PRKAR1B: variants seen among roughly 807,000 people sequenced by gnomAD.
PRKAR1B encodes the protein cAMP-dependent protein kinase type I-beta regulatory subunit.
PRKAR1B carries 22 observed loss-of-function variants against 46.5 expected under a neutral mutation model. That is an observed-to-expected ratio of 0.47 (90% CI 0.34 to 0.68). The LOEUF is 0.68. Among genes scored for constraint, PRKAR1B ranks in the 30% least tolerant of loss-of-function variants. PRKAR1B has a pLI of 0.01. For synonymous variants in PRKAR1B, 259 were observed against 217.7 expected, an observed-to-expected ratio of 1.19 and a Z score of -1.67; for missense variants, 445 against 535.6, an observed-to-expected ratio of 0.83 and a Z score of 1.67.
chr7:683,511 C>T (rs74530502), intron 2 of PRKAR1B, among the ~76,000 whole-genome samples: 7,069 of 152,274 alleles, frequency 0.046, 337 homozygotes, highest in East Asian at 0.18. Flanking sequence ...GTAGCCATTC[C>T]TCCTGTTCCA....
intron 4 of PRKAR1B, among the ~76,000 whole-genome samples, chr7:676,498 C>T (rs758275085): frequency 2.6e-5 from 4 of 152,230 alleles, no homozygotes; most frequent in Non-Finnish European, 5.9e-5. Flanking sequence ...GAGGCCGGAA[C>T]ACGAAGCCCA....
In PRKAR1B at chr7:683,559, G is replaced by A. The variant is rs200520720; in HGVS notation, c.178-2833C>T. Among the ~76,000 whole-genome samples the A allele has an allele frequency of 1.3e-3, 203 of 152,334 alleles. 2 individuals are homozygous for A. Among genetic ancestry groups the A allele is most frequent in the African/African-American group, 4.7e-3 (195 of 41,584 alleles). On this transcript the variant is annotated intron_variant, in intron 2 of 10. Coordinates refer to ENST00000537384, the MANE Select transcript of PRKAR1B (RefSeq NM_001164760.2). ...AAACAAATGACTGTCTCCCCAGCCT[G>A]TTAAAACTGGGACATGGGTGGGAGC...
intron 3 of PRKAR1B, among the ~76,000 whole-genome samples, chr7:679,592 A>G (rs34459641): frequency 0.066 from 9,980 of 152,274 alleles, 491 homozygotes; most frequent in Middle Eastern, 0.15. Flanking sequence ...TGTTTAGGGA[A>G]TAGAGTCTCA....
At chr7:553,836 G>A (rs1784397241) in intron 9 of PRKAR1B, among the ~76,000 whole-genome samples, 2 of 152,248 alleles carry the variant, frequency 1.3e-5, no homozygotes, top group African/African-American at 4.8e-5. Context: ...CGCTGCCCTG[G>A]CCCCTGATCC....
chr7:704,816 T>C (rs1367549921), intron 2 of PRKAR1B, among the ~76,000 whole-genome samples: 1 of 152,064 alleles, frequency 6.6e-6, no homozygotes, highest in Non-Finnish European at 1.5e-5. Context: ...GAAAATATTT[T>C]GTAAATTAAA....
chr7:558,835 C>T (rs1778610483), intron 9 of PRKAR1B, among the ~76,000 whole-genome samples: 1 of 152,224 alleles, frequency 6.6e-6, no homozygotes, highest in South Asian at 2.1e-4. Context: ...CTTCCTGTCC[C>T]TTGTCACAGC....
At chr7:702,239 A>C (rs1427040657) in intron 2 of PRKAR1B, among the ~76,000 whole-genome samples, 2 of 152,160 alleles carry the variant, frequency 1.3e-5, no homozygotes, top group African/African-American at 4.8e-5. Context: ...GAAAAACAGT[A>C]AAAAAGACAG....
chr7:682,424 T>A (rs1778740263), intron 2 of PRKAR1B, among the ~76,000 whole-genome samples: 1 of 151,986 alleles, frequency 6.6e-6, no homozygotes, highest in African/African-American at 2.4e-5. Flanking sequence ...AAGACCAGCC[T>A]GGGCAACATA....
chr7:688,387 G>C (rs1365506853), intron 2 of PRKAR1B, among the ~76,000 whole-genome samples: 3 of 150,344 alleles, frequency 2.0e-5, no homozygotes, highest in Non-Finnish European at 4.4e-5. Flanking sequence ...CTGGGCAACA[G>C]AGTGAGACTC....
intron 4 of PRKAR1B, among the ~76,000 whole-genome samples, chr7:654,652 T>C: frequency 2.1e-5 from 3 of 140,246 alleles, no homozygotes; most frequent in South Asian, 2.3e-4. Context: ...TCATTGCCAT[T>C]TTCATCACCA....
At chr7:635,590 G>A (rs1455047443) in intron 4 of PRKAR1B, among the ~76,000 whole-genome samples, 1 of 152,184 alleles carries the variant, frequency 6.6e-6, no homozygotes, top group African/African-American at 2.4e-5. Flanking sequence ...CCTGGAGCCC[G>A]GAAGGCTCGG....
chr7:627,729 C>T (rs1455118056), intron 4 of PRKAR1B, among the ~76,000 whole-genome samples: 2 of 152,210 alleles, frequency 1.3e-5, no homozygotes, highest in South Asian at 2.1e-4. Flanking sequence ...GCCCAGCTCA[C>T]GCCCGCCCTC....
rs373253034 is a variant in PRKAR1B at position 665,358 on chromosome 7, C to T, written c.440+11871G>A. 1.1e-4 allele frequency among the ~76,000 whole-genome samples: 17 copies of T among 152,334 alleles called. No homozygotes were observed. In the East Asian group the frequency reaches 2.1e-3, roughly 19 times the overall value. ...TGGCCCGACGCAGCCTGCTTAACCTCTCTCTGCCTCCCCTGCCAAACGGCA... is the reference window on the plus strand; with the variant it reads ...TGGCCCGACGCAGCCTGCTTAACCTTTCTCTGCCTCCCCTGCCAAACGGCA... On this transcript the variant is annotated intron_variant, in intron 4 of 10. Coordinates refer to ENST00000537384, the MANE Select transcript of PRKAR1B (RefSeq NM_001164760.2).
In PRKAR1B at chr7:659,004, C is replaced by T. The variant is rs548827065; in HGVS notation, c.440+18225G>A. On this transcript the variant is annotated intron_variant, in intron 4 of 10. Coordinates refer to ENST00000537384, the MANE Select transcript of PRKAR1B (RefSeq NM_001164760.2). The stretch of plus-strand genomic sequence containing the variant: ...AGTCATTTGTAAGCTAAGAAAGAGT[C>T]ACCAACATGGGTCTCATGACACCAG... 2.7e-4 allele frequency among the ~76,000 whole-genome samples: 41 copies of T among 152,226 alleles called. No homozygotes were observed. The South Asian group carries it at 8.3e-3, about 31-fold the overall frequency.
intron 4 of PRKAR1B, among the ~76,000 whole-genome samples, chr7:614,521 G>A (rs769511485): frequency 2.6e-5 from 4 of 152,148 alleles, no homozygotes; most frequent in Admixed American, 6.5e-5. Context: ...TTGGGAGACC[G>A]GGCACCATAA....
At chr7:696,234 A>G (rs1187627309) in intron 2 of PRKAR1B, among the ~76,000 whole-genome samples, 1 of 151,672 alleles carries the variant, frequency 6.6e-6, no homozygotes, top group Non-Finnish European at 1.5e-5. Flanking sequence ...AAGTGCTGGG[A>G]TGACAGGCAT....
At position 653,367 on chromosome 7, in the gene PRKAR1B, G is replaced by A. The variant is rs77154713; in HGVS notation, c.440+23862C>T. 1.9e-3 allele frequency among the ~76,000 whole-genome samples: 288 copies of A among 152,318 alleles called. 6 individuals are homozygous for A. In the East Asian group the frequency reaches 0.052, roughly 28 times the overall value. On this transcript the variant is annotated intron_variant, in intron 4 of 10. Coordinates refer to ENST00000537384, the MANE Select transcript of PRKAR1B (RefSeq NM_001164760.2). ...GCCTCTTCCCAACACTGCCTCCCAAGCTTCCCATTCACCCACCTCATCGTT... is the reference window on the plus strand; with the variant it reads ...GCCTCTTCCCAACACTGCCTCCCAAACTTCCCATTCACCCACCTCATCGTT...
chr7:573,890 G>A (rs560390080), intron 9 of PRKAR1B, among the ~76,000 whole-genome samples: 215 of 152,322 alleles, frequency 1.4e-3, no homozygotes, highest in Non-Finnish European at 1.5e-3. Flanking sequence ...TGACCCCGGC[G>A]TGGATGTGGA....
rs369488380 is a variant in PRKAR1B, at chr7:588,702, G to A, written c.709-4134C>T. ...GACGATGATGGTGATGGTGGTGATG[G>A]TGATGGTGATGGTGGTGATGGTGGT... is the stretch of plus-strand genomic sequence containing the variant. On this transcript the variant is annotated intron_variant, in intron 7 of 10. Coordinates refer to ENST00000537384, the MANE Select transcript of PRKAR1B (RefSeq NM_001164760.2). 6.8e-3 allele frequency among the ~76,000 whole-genome samples: 915 copies of A among 134,304 alleles called. 20 individuals are homozygous for A. The highest frequency in any genetic ancestry group is 0.014 in the East Asian group (57 of 3,986). The allele number at this position is 134,304 out of a possible 152,430, so 88.1% of individuals were successfully genotyped here.
Sources: allele counts gnomAD v4.1 joint callset (sites outside exome capture counted in the v4.1 genomes callset), GRCh38; gene constraint gnomAD v4.1.1; transcripts MANE v1.5; gene names NCBI Gene and HGNC (gene_info 2026-07-23, HGNC 2026-07-21).